CAMTA1: variants seen among roughly 807,000 people sequenced by gnomAD.
The protein encoded by CAMTA1 is calmodulin binding transcription activator 1, also known as calmodulin-binding transcription activator 1.
A neutral mutation model predicts 170.9 loss-of-function variants in CAMTA1; 27 were observed. That is an observed-to-expected ratio of 0.16 (90% confidence interval 0.12 to 0.22). CAMTA1 has a LOEUF of 0.22. Among genes scored for constraint, CAMTA1 ranks in the 10% least tolerant of loss-of-function variants. CAMTA1 has a pLI of 1.00. For synonymous variants in CAMTA1, 833 were observed against 891.5 expected (o/e 0.93, Z 1.17); for missense variants, 1,619 against 2,217.2 (o/e 0.73, Z 5.42).
At chr1:7,078,008 A>ACG (rs1491170889) in intron 3 of CAMTA1, among the ~76,000 whole-genome samples, 2 of 152,154 alleles carry the variant, frequency 1.3e-5, no homozygotes, top group Non-Finnish European at 2.9e-5. Context: ...ACACACACAC[A>ACG]TACACACACT....
rs115475744 is a variant in CAMTA1 at position 6,993,015 on chromosome 1, C to A, written c.235-98289C>A. On this transcript the variant is annotated intron_variant, in intron 3 of 22. Transcript: ENST00000303635. ...TTTCCCCATTGGATTGCTTTGGCAC[C>A]TTTGTCTAAACATTAATTAACCACA... is the stretch of plus-strand genomic sequence containing the variant. Among the ~76,000 whole-genome samples the A allele has an allele frequency of 4.7e-3, 713 of 152,292 alleles. 5 individuals are homozygous for A. The highest frequency in any genetic ancestry group is 0.016 in the African/African-American group (682 of 41,554).
At chr1:7,168,929 T>G (rs1043836322) in intron 4 of CAMTA1, among the ~76,000 whole-genome samples, 1 of 152,244 alleles carries the variant, frequency 6.6e-6, no homozygotes, top group African/African-American at 2.4e-5. Flanking sequence ...TGTTGGTTGG[T>G]ATAGTATAAA....
At chr1:7,080,713 TTAA>T (rs1639890865) in intron 3 of CAMTA1, among the ~76,000 whole-genome samples, 1 of 152,180 alleles carries the variant, frequency 6.6e-6, no homozygotes, top group African/African-American at 2.4e-5. Context: ...TTTTGTATTT[TTAA>T]TAGAGATGGG....
intron 3 of CAMTA1, among the ~76,000 whole-genome samples, chr1:6,957,764 G>A (rs751343173): frequency 6.6e-6 from 1 of 152,108 alleles, no homozygotes; most frequent in Non-Finnish European, 1.5e-5. Flanking sequence ...ACCATGTAAC[G>A]TAGTATATTC....
chr1:6,892,602 T>C (rs556844851), intron 3 of CAMTA1, among the ~76,000 whole-genome samples: 194 of 150,896 alleles, frequency 1.3e-3, no homozygotes, highest in African/African-American at 4.4e-3. Flanking sequence ...CTTTTCTTTT[T>C]TTTTTTTTTT....
intron 6 of CAMTA1, among the ~76,000 whole-genome samples, chr1:7,488,554 A>G (rs568298616): frequency 3.3e-5 from 5 of 152,258 alleles, no homozygotes; most frequent in Middle Eastern, 3.4e-3. Context: ...ATACATCTGT[A>G]CACATGCATG....
At chr1:7,498,393 G>C (rs2093877306) in intron 6 of CAMTA1, among the ~76,000 whole-genome samples, 1 of 151,426 alleles carries the variant, frequency 6.6e-6, no homozygotes, top group Non-Finnish European at 1.5e-5. Context: ...ATGTGTGTGA[G>C]TGAATGTGTA....
chr1:7,315,177 G>A (rs1386917808), intron 5 of CAMTA1, among the ~76,000 whole-genome samples: 1 of 152,154 alleles, frequency 6.6e-6, no homozygotes, highest in East Asian at 1.9e-4. Flanking sequence ...CTTGGACCAG[G>A]GTTCATGTTG....
chr1:6,966,549 A>C (rs920274914), intron 3 of CAMTA1, among the ~76,000 whole-genome samples: 3 of 150,536 alleles, frequency 2.0e-5, no homozygotes, highest in African/African-American at 7.4e-5. Context: ...GTAATATTCC[A>C]CTGAACAGAT....
intron 7 of CAMTA1, among the ~76,000 whole-genome samples, chr1:7,647,116 C>A (rs1321121592): frequency 6.6e-6 from 1 of 152,212 alleles, no homozygotes; most frequent in Non-Finnish European, 1.5e-5. Flanking sequence ...AGGGACCCAG[C>A]TCAGGCTGGG....
intron 3 of CAMTA1, among the ~76,000 whole-genome samples, chr1:6,880,383 GTTTTTTT>G (rs34745856): frequency 7.4e-5 from 5 of 67,194 alleles, no homozygotes; most frequent in African/African-American, 3.1e-4. Flanking sequence ...CTCTAAAAGT[GTTTTTTT>G]TTTTTTTTTT....
intron 5 of CAMTA1, among the ~76,000 whole-genome samples, chr1:7,401,622 G>C (rs1212092684): frequency 2.0e-5 from 3 of 152,036 alleles, no homozygotes; most frequent in Admixed American, 6.5e-5. Context: ...CATCAACATG[G>C]TATGTTTCTC....
chr1:6,833,349 C>CA (rs1162623098), intron 3 of CAMTA1, among the ~76,000 whole-genome samples: 2 of 152,004 alleles, frequency 1.3e-5, no homozygotes, highest in Non-Finnish European at 2.9e-5. Context: ...CGTAAAAACA[C>CA]AAAAAACTCA....
chr1:6,894,659 G>A (rs1037629847), intron 3 of CAMTA1, among the ~76,000 whole-genome samples: 3 of 152,280 alleles, frequency 2.0e-5, no homozygotes, highest in Middle Eastern at 6.8e-3. Flanking sequence ...GAAAGTAAAC[G>A]TTTGACTTGC....
chr1:7,450,427 A>G (rs1298414194), intron 5 of CAMTA1, among the ~76,000 whole-genome samples: 2 of 152,210 alleles, frequency 1.3e-5, no homozygotes, highest in African/African-American at 2.4e-5. Context: ...ACAAGAAGGA[A>G]AGCAGGCGCC....
chr1:7,252,186 G>C (rs1666738617), intron 5 of CAMTA1, among the ~76,000 whole-genome samples: 1 of 152,198 alleles, frequency 6.6e-6, no homozygotes, highest in African/African-American at 2.4e-5. Flanking sequence ...CAGTTTATTA[G>C]ACACTGCCTT....
chr1:6,826,583 T>A (rs1028747807), intron 3 of CAMTA1, among the ~76,000 whole-genome samples: 2 of 152,236 alleles, frequency 1.3e-5, no homozygotes, highest in Admixed American at 1.3e-4. Context: ...TAGTATTCCC[T>A]GAAACGTAGA....
intron 3 of CAMTA1, among the ~76,000 whole-genome samples, chr1:6,944,350 G>A (rs1270576715): frequency 6.6e-6 from 1 of 152,138 alleles, no homozygotes; most frequent in Non-Finnish European, 1.5e-5. Context: ...TTAGAACACA[G>A]GTCAGTCCGT....
At chr1:7,452,231 C>T (rs1220805927) in intron 5 of CAMTA1, among the ~76,000 whole-genome samples, 4 of 152,188 alleles carry the variant, frequency 2.6e-5, no homozygotes, top group Admixed American at 2.0e-4. Flanking sequence ...CTGCATCCCC[C>T]CTGGTTCCTC....
Sources: allele counts gnomAD v4.1 joint callset (sites outside exome capture counted in the v4.1 genomes callset), GRCh38; gene constraint gnomAD v4.1.1; transcripts MANE v1.5; gene names NCBI Gene and HGNC (gene_info 2026-07-23, HGNC 2026-07-21).